TOM1L1: variants seen among roughly 807,000 people sequenced by gnomAD.
TOM1L1 encodes TOM1-like protein 1.
In TOM1L1, 64 loss-of-function variants were observed where a neutral mutation model predicts 63.4. The ratio of observed to expected loss-of-function variants is 1.01; its 90% CI spans 0.83 to 1.24. The LOEUF (loss-of-function observed/expected upper bound fraction) is 1.24. Among genes scored for constraint, TOM1L1 ranks in the 50% most tolerant of loss-of-function variants. The pLI, the probability that TOM1L1 is intolerant of heterozygous loss-of-function variation, is 0.00. For missense variants in TOM1L1, 536 were observed against 567.0 expected (o/e 0.95, Z 0.55); for synonymous variants, 166 against 194.4 (o/e 0.85, Z 1.22).
chr17:54,942,575 A>T, intron 11 of TOM1L1: 1 of 152,236 alleles, frequency 6.6e-6, no homozygotes, highest in Non-Finnish European at 1.5e-5. Flanking sequence ...TCCAGCTAGT[A>T]CTGAGACAGG....
At chr17:54,940,813 A>G (rs928480132) in intron 11 of TOM1L1, among the ~76,000 whole-genome samples, 1 of 152,196 alleles carries the variant, frequency 6.6e-6, no homozygotes, top group Non-Finnish European at 1.5e-5. Context: ...ACTGAAAAAG[A>G]GTGAAAGAGT....
Position 54,912,707 on chromosome 17 carries a change from G to A in TOM1L1, c.264G>A (p.Gln88=). 6.2e-7 allele frequency: 1 copy of A among 1,608,402 alleles called. No homozygotes were observed. Among genetic ancestry groups the A allele is most frequent in the Non-Finnish European group, 8.5e-7 (1 of 1,178,312 alleles). The change falls in exon 4 of 16, where the codon CAG becomes CAA. Residue 88 remains glutamine, a synonymous_variant. Coordinates refer to ENST00000575882, the MANE Select transcript of TOM1L1 (RefSeq NM_005486.3). The part of the protein sequence containing the change: ...MCVQNCGPSF[Q]SLIVKKEFVK... ...TGCAGAACTGTGGTCCAAGTTTCCA[G>A]TCTCTGATTGTGAAGAAGGAATTTG...
intron 11 of TOM1L1, among the ~76,000 whole-genome samples, chr17:54,941,752 CA>C (rs894004302): frequency 3.9e-5 from 6 of 152,142 alleles, no homozygotes; most frequent in African/African-American, 1.4e-4. Context: ...GGGTGACTGT[CA>C]AAAAGTCAAA....
intron 3 of TOM1L1, chr17:54,906,688 C>T (rs1468748508): frequency 4.6e-6 from 4 of 861,656 alleles, no homozygotes; most frequent in Non-Finnish European, 5.6e-6. Flanking sequence ...AAGCAATTCT[C>T]CTGTGTGTTG....
intron 7 of TOM1L1, among the ~76,000 whole-genome samples, chr17:54,927,245 T>C (rs377300024): frequency 3.3e-5 from 5 of 152,228 alleles, no homozygotes; most frequent in Non-Finnish European, 5.9e-5. Context: ...AAATATGTTA[T>C]GGGCTGATAA....
chr17:54,942,700 CT>C (rs1242626884), intron 11 of TOM1L1, among the ~76,000 whole-genome samples: 2 of 151,740 alleles, frequency 1.3e-5, no homozygotes, highest in African/African-American at 4.8e-5. Context: ...TAAAATTGAC[CT>C]TTTTTGTTTT....
intron 14 of TOM1L1, among the ~76,000 whole-genome samples, chr17:54,956,027 A>G (rs1004004011): frequency 6.6e-6 from 1 of 152,316 alleles, no homozygotes; most frequent in Admixed American, 6.5e-5. Context: ...CCAGGAGCCT[A>G]TAAGGGAGGT....
At position 54,936,975 on chromosome 17, in the gene TOM1L1, T is replaced by C. The variant is rs1392387663; in HGVS notation, c.916-134T>C. The C allele has an allele frequency of 6.5e-6, 5 of 774,850 alleles. No homozygotes were observed. The African/African-American group carries it at 8.6e-5, about 13-fold the overall frequency. 48.0% of individuals were successfully genotyped at this position (774,850 alleles called of 1,614,324 possible). A position where few individuals can be genotyped will look rare whatever the true frequency, so the allele number is the denominator to read the frequency against. On this transcript the variant is annotated intron_variant, in intron 9 of 15. Coordinates refer to ENST00000575882, the MANE Select transcript of TOM1L1 (RefSeq NM_005486.3). ...GGTGGTAAGATGGGATTCATACTAA[T>C]GTTGCTCGTTGAGTGGAGAATTCTT...
At chr17:54,959,703 C>T (rs1051522541) in intron 14 of TOM1L1, among the ~76,000 whole-genome samples, 7 of 151,140 alleles carry the variant, frequency 4.6e-5, no homozygotes, top group Admixed American at 1.3e-4. Flanking sequence ...CTGCAATCTC[C>T]GCCTCCTAGG....
At chr17:54,923,454 T>C (rs2048715913) in intron 7 of TOM1L1, among the ~76,000 whole-genome samples, 1 of 151,972 alleles carries the variant, frequency 6.6e-6, no homozygotes, top group Non-Finnish European at 1.5e-5. Context: ...TATCTCATTA[T>C]GGTTTTGATT....
chr17:54,913,913 G>A (rs768774401), intron 5 of TOM1L1, 40 bp downstream of exon 5: 20 of 1,569,754 alleles, frequency 1.3e-5, no homozygotes, highest in Admixed American at 1.8e-5. Context: ...CTATAGTAGT[G>A]TATCACTTGG....
chr17:54,952,548 A>T (rs1308345747), intron 14 of TOM1L1: 1 of 142,594 alleles, frequency 7.0e-6, no homozygotes, highest in Non-Finnish European at 1.5e-5. Context: ...GACTGTCTCA[A>T]AAAAAAAAAA....
intron 3 of TOM1L1, chr17:54,906,924 A>T (rs1414545512): frequency 3.7e-6 from 2 of 543,740 alleles, no homozygotes; most frequent in East Asian, 2.9e-4. Flanking sequence ...TCACGGCACT[A>T]ATCAGCCAAC....
intron 3 of TOM1L1, among the ~76,000 whole-genome samples, chr17:54,908,444 A>C (rs1018787122): frequency 6.6e-6 from 1 of 152,214 alleles, no homozygotes; most frequent in Non-Finnish European, 1.5e-5. Context: ...CACAGGAGTC[A>C]CCTATGTCTG....
intron 5 of TOM1L1, among the ~76,000 whole-genome samples, chr17:54,914,253 C>A (rs999438325): frequency 3.3e-5 from 5 of 151,754 alleles, no homozygotes; most frequent in Admixed American, 1.3e-4. Flanking sequence ...GAAGGAGATG[C>A]CTTGTCAGCT....
At chr17:54,942,585 G>T (rs1308775705) in intron 11 of TOM1L1, 1 of 152,182 alleles carries the variant, frequency 6.6e-6, no homozygotes, top group Non-Finnish European at 1.5e-5. Context: ...ACTGAGACAG[G>T]ATTCAAATTT....
At chr17:54,923,265 T>C (rs1459655145) in intron 7 of TOM1L1, among the ~76,000 whole-genome samples, 1 of 152,208 alleles carries the variant, frequency 6.6e-6, no homozygotes, top group Admixed American at 6.5e-5. Context: ...GTAGAATTGC[T>C]GGGTCGTATA....
At chr17:54,944,748 C>A (rs1469920202) in intron 11 of TOM1L1, among the ~76,000 whole-genome samples, 1 of 152,200 alleles carries the variant, frequency 6.6e-6, no homozygotes, top group East Asian at 1.9e-4. Flanking sequence ...TAAATGGTTT[C>A]TAGTGAAAAA....
intron 9 of TOM1L1, among the ~76,000 whole-genome samples, 193 bp downstream of exon 9, chr17:54,936,902 GTAAAGT>G (rs1372682797): frequency 1.3e-5 from 2 of 152,112 alleles, no homozygotes; most frequent in African/African-American, 4.8e-5. Context: ...TTAATGTAAT[GTAAAGT>G]TAATGTTATG....
Sources: allele counts gnomAD v4.1 joint callset (sites outside exome capture counted in the v4.1 genomes callset), GRCh38; gene constraint gnomAD v4.1.1; transcripts MANE v1.5; gene names NCBI Gene and HGNC (gene_info 2026-07-23, HGNC 2026-07-21).